Variants in NMBR observed in about 807,000 individuals in gnomAD.
NMBR encodes neuromedin-B receptor.
In NMBR, 16 loss-of-function variants were observed where a neutral mutation model predicts 20.5. That is an observed-to-expected ratio of 0.78 (90% confidence interval 0.53 to 1.19). The LOEUF is 1.19. Ranked by LOEUF, NMBR falls within the 50% of genes most tolerant of loss-of-function variation. The pLI, the probability that NMBR is intolerant of heterozygous loss-of-function variation, is 0.00. For synonymous variants in NMBR, 212 were observed against 196.6 expected (o/e 1.08, Z -0.65); for missense variants, 582 against 499.1 (o/e 1.17, Z -1.58).
chr6:142,104,025 A>T (rs891338290), intron 1 of NMBR, among the ~76,000 whole-genome samples: 1 of 152,162 alleles, frequency 6.6e-6, no homozygotes, highest in South Asian at 2.1e-4. Context: ...CAGAAACTGC[A>T]TTAGAATTAG....
At chr6:142,087,392 T>A (rs1171402289) in intron 2 of NMBR, among the ~76,000 whole-genome samples, 1 of 152,188 alleles carries the variant, frequency 6.6e-6, no homozygotes, top group African/African-American at 2.4e-5. Context: ...TTTTGCATTT[T>A]TCCCCACCCC....
intron 1 of NMBR, among the ~76,000 whole-genome samples, chr6:142,123,136 T>G (rs1015413459): frequency 2.0e-4 from 31 of 151,668 alleles, no homozygotes; most frequent in Middle Eastern, 3.4e-3. Context: ...TAGAAGGAGG[T>G]CAAAATATCA....
Position 142,098,526 on chromosome 6 carries a change from T to C in NMBR, c.-663-9205A>G, listed in dbSNP as rs140810221. Among the ~76,000 whole-genome samples the C allele has an allele frequency of 6.3e-3, 966 of 152,288 alleles. 11 individuals are homozygous for C. The highest frequency in any genetic ancestry group is 0.019 in the African/African-American group (778 of 41,576). On this transcript the variant is annotated intron_variant, in intron 1 of 3. Transcript: ENST00000258042. ...TACAAAAGTAAATCACTTTCCTATA[T>C]ACCGTCAATTACTAAGTGGAATTTG...
chr6:142,126,093 T>C (rs543177349), intron 1 of NMBR, among the ~76,000 whole-genome samples: 1 of 152,048 alleles, frequency 6.6e-6, no homozygotes, highest in African/African-American at 2.4e-5. Context: ...TACTCTCTGC[T>C]TCTATGAATT....
At chr6:142,091,294 C>T (rs754872645) in intron 1 of NMBR, among the ~76,000 whole-genome samples, 3 of 152,142 alleles carry the variant, frequency 2.0e-5, no homozygotes, top group Admixed American at 6.5e-5. Context: ...ATGAAGATGG[C>T]TCACTATAGC....
At chr6:142,144,187 G>T (rs150973967) in intron 1 of NMBR, among the ~76,000 whole-genome samples, 1 of 152,064 alleles carries the variant, frequency 6.6e-6, no homozygotes, top group Admixed American at 6.6e-5. Flanking sequence ...TTTCTACTTG[G>T]GGGGGATGCT....
chr6:142,131,919 T>C (rs763712730), intron 1 of NMBR, among the ~76,000 whole-genome samples: 18 of 152,198 alleles, frequency 1.2e-4, no homozygotes, highest in Non-Finnish European at 2.5e-4. Context: ...CTATTCCTTC[T>C]TATGCAAATG....
intron 1 of NMBR, among the ~76,000 whole-genome samples, chr6:142,126,944 G>T (rs1252228680): frequency 6.6e-6 from 1 of 151,374 alleles, no homozygotes; most frequent in Non-Finnish European, 1.5e-5. Context: ...TTTTGTGTGT[G>T]TGTGGTTTTT....
At chr6:142,103,635 T>A (rs1777604784) in intron 1 of NMBR, among the ~76,000 whole-genome samples, 1 of 152,190 alleles carries the variant, frequency 6.6e-6, no homozygotes, top group Non-Finnish European at 1.5e-5. Context: ...TAGATTTACA[T>A]TTTTTAAAAT....
intron 1 of NMBR, among the ~76,000 whole-genome samples, chr6:142,118,425 G>A (rs756093064): frequency 6.6e-6 from 1 of 151,910 alleles, no homozygotes; most frequent in African/African-American, 2.4e-5. Flanking sequence ...CATAATCGAA[G>A]AACCTGTTAA....
intron 1 of NMBR, among the ~76,000 whole-genome samples, chr6:142,100,904 T>A (rs1259543366): frequency 6.6e-6 from 1 of 152,166 alleles, no homozygotes; most frequent in Non-Finnish European, 1.5e-5. Flanking sequence ...TACTATAAAT[T>A]GGGTAGCTTA....
At chr6:142,143,702 T>C (rs887537687) in intron 1 of NMBR, among the ~76,000 whole-genome samples, 2 of 151,856 alleles carry the variant, frequency 1.3e-5, no homozygotes, top group African/African-American at 4.8e-5. Context: ...AGGAAACTTA[T>C]ATAGAAATTG....
chr6:142,146,726 C>A (rs1778444872), intron 1 of NMBR, among the ~76,000 whole-genome samples: 1 of 152,162 alleles, frequency 6.6e-6, no homozygotes, highest in African/African-American at 2.4e-5. Flanking sequence ...GGCGCGAAAT[C>A]TGATTATTTT....
At chr6:142,110,999 GGAGGCCAAGGC>G (rs1208319846) in intron 1 of NMBR, among the ~76,000 whole-genome samples, 1 of 152,146 alleles carries the variant, frequency 6.6e-6, no homozygotes, top group Non-Finnish European at 1.5e-5. Context: ...CAGCACTTTA[GGAGGCCAAGGC>G]GCATGGATCA....
chr6:142,125,510 T>TGTGCATGCATATACAC (rs1330890414), intron 1 of NMBR, among the ~76,000 whole-genome samples: 1 of 150,878 alleles, frequency 6.6e-6, no homozygotes, highest in African/African-American at 2.4e-5. Context: ...CACATATACA[T>TGTGCATGCATATACAC]ACATACACAA....
intron 1 of NMBR, among the ~76,000 whole-genome samples, chr6:142,129,354 T>C (rs1271774608): frequency 1.3e-5 from 2 of 152,100 alleles, no homozygotes; most frequent in Non-Finnish European, 2.9e-5. Context: ...CACCCTTGTA[T>C]TGGTGCCTCA....
At chr6:142,091,661 C>T (rs1777326109) in intron 1 of NMBR, among the ~76,000 whole-genome samples, 1 of 152,076 alleles carries the variant, frequency 6.6e-6, no homozygotes, top group African/African-American at 2.4e-5. Flanking sequence ...GATAAATTGT[C>T]TAATTTGAAA....
At chr6:142,084,711 C>T (rs771586291) in intron 2 of NMBR, among the ~76,000 whole-genome samples, 3 of 152,008 alleles carry the variant, frequency 2.0e-5, no homozygotes, top group Non-Finnish European at 2.9e-5. Flanking sequence ...TAATAATGTG[C>T]CATCAGAGGC....
At chr6:142,093,757 A>G (rs534383766) in intron 1 of NMBR, among the ~76,000 whole-genome samples, 14 of 152,298 alleles carry the variant, frequency 9.2e-5, no homozygotes, top group African/African-American at 3.4e-4. Context: ...GAACTAGTTT[A>G]CAGTCCCACC....
Sources: gnomAD v4.1 joint callset for allele counts (sites outside exome capture counted in the v4.1 genomes callset) on GRCh38, gnomAD v4.1.1 for gene constraint, MANE v1.5 for transcripts, NCBI Gene and HGNC (gene_info 2026-07-23, HGNC 2026-07-21) for gene names.